PJA2: variants seen among roughly 807,000 people sequenced by gnomAD.
PJA2 encodes the protein E3 ubiquitin-protein ligase Praja-2.
In PJA2, 25 loss-of-function variants were observed where a neutral mutation model predicts 69.3. The observed-to-expected ratio is 0.36, with a 90% CI of 0.26 to 0.50. PJA2 has a LOEUF of 0.50. PJA2 is among the 20% of genes least tolerant of loss of function. The probability of loss-of-function intolerance (pLI) is 0.96; values close to 1 mark genes in which losing one functional copy is unlikely to be tolerated. For missense variants in PJA2, 809 were observed against 830.2 expected (o/e 0.97, Z 0.31); for synonymous variants, 308 against 277.8 (o/e 1.11, Z -1.08).
At chr5:109,379,327 T>G (rs2127006823) in intron 3 of PJA2, 73 bp from the exon 4 acceptor site, 1 of 1,073,044 alleles carries the variant, frequency 9.3e-7, no homozygotes, top group Non-Finnish European at 1.3e-6. Flanking sequence ...AACTATCACT[T>G]AAGTGGAAAT....
rs751678075 is a variant in PJA2, at chr5:109,378,243, C to T, written c.1244G>A (p.Cys415Tyr). The change falls in exon 4 of 10, where the codon TGT becomes TAT. Residue 415 changes from cysteine to tyrosine, a missense_variant. Physicochemically the swap from Cys to Tyr is radical, Grantham distance 194. Transcript: ENST00000361189. ...QEVDNTFWNG[C>Y]GDYYQLYDKD... is the part of the protein sequence containing the mutation. ...GTCATAGAGTTGGTAATAATCTCCACAGCCATTCCAAAAGGTGTTATCCAC... is the reference window on the plus strand; with the variant it reads ...GTCATAGAGTTGGTAATAATCTCCATAGCCATTCCAAAAGGTGTTATCCAC... 12 of 1,613,640 alleles carry T rather than the reference C, an allele frequency of 7.4e-6. No individual in the cohort carries two copies. In the Admixed American group the frequency reaches 1.7e-4, roughly 22 times the overall value.
chr5:109,379,530 C>A (rs966818094), intron 3 of PJA2, among the ~76,000 whole-genome samples: 3 of 152,190 alleles, frequency 2.0e-5, no homozygotes, highest in Non-Finnish European at 4.4e-5. Flanking sequence ...TTCTGCAAGA[C>A]ATATAAAGGA....
chr5:109,380,547 T>C (rs1747018457), intron 3 of PJA2, among the ~76,000 whole-genome samples: 1 of 152,038 alleles, frequency 6.6e-6, no homozygotes, highest in Non-Finnish European at 1.5e-5. Context: ...ATGGCCCATG[T>C]CTGTAATCCC....
chr5:109,401,223 G>A (rs939078108), intron 1 of PJA2, among the ~76,000 whole-genome samples: 1 of 152,212 alleles, frequency 6.6e-6, no homozygotes, highest in Admixed American at 6.5e-5. Flanking sequence ...GGTAGAGGTT[G>A]CAGTGAGCTG....
chr5:109,380,040 ATGATATATGGTACGAAGGGTTCTT>A (rs1253217735), intron 3 of PJA2, among the ~76,000 whole-genome samples: 185 of 150,698 alleles, frequency 1.2e-3, no homozygotes, highest in African/African-American at 4.3e-3. Flanking sequence ...AAGTTCGGCC[ATGATATATGGTACGAAGGGTTCTT>A]TGATATATGG....
In PJA2 at chr5:109,383,494, A is replaced by G; in HGVS notation, c.-61T>C. Reference sequence around the variant, plus strand: ...TATAGATGTGATTTAGTTTTTATTCACACTATGGACAAGCCGCAGAAGATT... The same window carrying G: ...TATAGATGTGATTTAGTTTTTATTCGCACTATGGACAAGCCGCAGAAGATT... On this transcript the variant is annotated 5_prime_UTR_variant, in exon 2 of 10. Transcript: ENST00000361189. The G allele has an allele frequency of 7.4e-7, 1 of 1,345,256 alleles. No homozygotes were observed. Among genetic ancestry groups the G allele is most frequent in the Non-Finnish European group, 1.1e-6 (1 of 950,792 alleles). 83.3% of individuals were successfully genotyped at this position (1,345,256 alleles called of 1,614,324 possible).
chr5:109,354,882 G>C (rs1243948925), intron 7 of PJA2, among the ~76,000 whole-genome samples: 2 of 151,852 alleles, frequency 1.3e-5, no homozygotes, highest in Non-Finnish European at 2.9e-5. Context: ...TGGGAGGCCA[G>C]AGTGGGAGGA....
At chr5:109,353,660 A>G (rs1762324722) in intron 7 of PJA2, among the ~76,000 whole-genome samples, 2 of 144,694 alleles carry the variant, frequency 1.4e-5, no homozygotes, top group Non-Finnish European at 3.1e-5. Context: ...TTAGATACCT[A>G]TTATATCTAC....
At chr5:109,372,426 A>T (rs1341909354) in intron 4 of PJA2, among the ~76,000 whole-genome samples, 1 of 152,202 alleles carries the variant, frequency 6.6e-6, no homozygotes, top group Non-Finnish European at 1.5e-5. Flanking sequence ...TTCCTGTATA[A>T]AATCGCTTCT....
chr5:109,379,230 T>C lies in PJA2; in HGVS notation c.257A>G (p.Asp86Gly), dbSNP rs1746981376. 1.2e-6 allele frequency: 2 copies of C among 1,611,336 alleles called. No homozygotes were observed. Among genetic ancestry groups the C allele is most frequent in the Admixed American group, 3.4e-5 (2 of 59,598 alleles). ...SSGSSPLDQV[D>G]SSLPSEPIFE... ...TATAGGTTCACTGGGTAAAGAAGAA[T>C]CAACTTGATCCAAAGGACTGGAACC... The change falls in exon 4 of 10, where the codon GAT (aspartate) becomes GGT (glycine). Residue 86 changes from aspartate to glycine, a missense_variant. Physicochemically the swap from Asp to Gly is moderately conservative, Grantham distance 94. This residue lies in a region of PJA2 where 700 missense variants were observed against 639.5 expected (regional missense o/e 1.09). Coordinates refer to ENST00000361189, the MANE Select transcript of PJA2 (RefSeq NM_014819.5).
At chr5:109,389,810 A>C (rs1472010634) in intron 1 of PJA2, among the ~76,000 whole-genome samples, 1 of 152,014 alleles carries the variant, frequency 6.6e-6, no homozygotes, top group Middle Eastern at 3.4e-3. Flanking sequence ...ATTATTTTTC[A>C]GATTAAAATG....
intron 7 of PJA2, among the ~76,000 whole-genome samples, chr5:109,348,645 CA>C (rs1762206640): frequency 6.6e-6 from 1 of 152,096 alleles, no homozygotes; most frequent in African/African-American, 2.4e-5. Flanking sequence ...TCATGCCCAA[CA>C]GTAAAGTTAC....
rs1747296970 is a variant in PJA2 at position 109,392,207 on chromosome 5, G to C, written c.-87-8687C>G. Among the ~76,000 whole-genome samples, 3 of 152,174 alleles carry C rather than the reference G, an allele frequency of 2.0e-5. No individual in the cohort carries two copies. The South Asian group carries it at 6.2e-4, about 32-fold the overall frequency. On this transcript the variant is annotated intron_variant, in intron 1 of 9. Coordinates refer to ENST00000361189, the MANE Select transcript of PJA2 (RefSeq NM_014819.5). Reference sequence around the variant, plus strand: ...CAGAAGACAAACCTTAAAAACTTATGATAATAAGAGGCTTGTTAGGGAATA... The same window carrying C: ...CAGAAGACAAACCTTAAAAACTTATCATAATAAGAGGCTTGTTAGGGAATA...
chr5:109,378,434 T>C lies in PJA2; in HGVS notation c.1053A>G (p.Glu351=). 6.2e-7 allele frequency: 1 copy of C among 1,614,162 alleles called. No individual in the cohort carries two copies. Among genetic ancestry groups the C allele is most frequent in the Non-Finnish European group, 8.5e-7 (1 of 1,179,994 alleles). Residue 351 remains glutamate, a synonymous_variant, in exon 4 of 10, where the codon GAA becomes GAG. Transcript: ENST00000361189. ...RSVQRWREAL[E]VEESGSDDLL... Reference sequence around the variant, plus strand: ...GGTCATCTGAGCCACTTTCCTCAACTTCCAAAGCCTCTCTCCATCTTTGAA... The same window carrying C: ...GGTCATCTGAGCCACTTTCCTCAACCTCCAAAGCCTCTCTCCATCTTTGAA...
intron 1 of PJA2, among the ~76,000 whole-genome samples, chr5:109,405,316 T>C (rs531440260): frequency 1.3e-5 from 2 of 152,358 alleles, no homozygotes; most frequent in South Asian, 4.1e-4. Flanking sequence ...CCTGTATTCA[T>C]GAATTGGAAG....
At chr5:109,372,935 GAAAA>G (rs1027295546) in intron 4 of PJA2, among the ~76,000 whole-genome samples, 2 of 78,690 alleles carry the variant, frequency 2.5e-5, no homozygotes, top group Admixed American at 2.9e-4. Flanking sequence ...AAGAAAGAAA[GAAAA>G]AAAAATTAGC....
chr5:109,401,342 T>C (rs2963010), intron 1 of PJA2, among the ~76,000 whole-genome samples: 119,538 of 152,044 alleles, frequency 0.79, 47,864 homozygotes, highest in African/African-American at 0.92. Flanking sequence ...GGCCTGCAAA[T>C]GCAGGATTTT....
Position 109,335,534 on chromosome 5 carries a change from A to C in PJA2, c.*1697T>G, listed in dbSNP as rs1167510721. 6.6e-6 allele frequency: 1 copy of C among 152,176 alleles called. No individual in the cohort carries two copies. Among genetic ancestry groups the C allele is most frequent in the African/African-American group, 2.4e-5 (1 of 41,456 alleles). The allele number at this position is 152,176 out of a possible 1,614,324, so 9.4% of individuals were successfully genotyped here. A position where few individuals can be genotyped will look rare whatever the true frequency, so the allele number is the denominator to read the frequency against. ...AATCTTTAGCAACGTAAGTTTAACCAGTAAGTGTCACAACTGATCAACAGT... is the reference window on the plus strand; with the variant it reads ...AATCTTTAGCAACGTAAGTTTAACCCGTAAGTGTCACAACTGATCAACAGT... On this transcript the variant is annotated 3_prime_UTR_variant, in exon 10 of 10. Coordinates refer to ENST00000361189, the MANE Select transcript of PJA2 (RefSeq NM_014819.5).
At chr5:109,376,635 G>C (rs1329436916) in intron 4 of PJA2, among the ~76,000 whole-genome samples, 2 of 151,228 alleles carry the variant, frequency 1.3e-5, no homozygotes, top group African/African-American at 4.9e-5. Flanking sequence ...GTAACTGGGG[G>C]AAAAAAAATA....
Sources: gnomAD v4.1 joint callset for allele counts (sites outside exome capture counted in the v4.1 genomes callset) on GRCh38, gnomAD v4.1.1 for gene constraint, gnomAD v4.1.1 regional missense constraint, MANE v1.5 for transcripts, NCBI Gene and HGNC (gene_info 2026-07-23, HGNC 2026-07-21) for gene names.